Variants in ZNF366 observed in about 807,000 individuals in gnomAD.
The protein encoded by ZNF366 is zinc finger protein 366.
A neutral mutation model predicts 47.2 loss-of-function variants in ZNF366; 20 were observed. That is an observed-to-expected ratio of 0.42 (90% CI 0.30 to 0.62). The LOEUF (loss-of-function observed/expected upper bound fraction) is 0.62. Among genes scored for constraint, ZNF366 ranks in the 20% least tolerant of loss-of-function variants. The pLI, the probability that ZNF366 is intolerant of heterozygous loss-of-function variation, is 0.16. For synonymous variants in ZNF366, 421 were observed against 395.1 expected (o/e 1.07, Z -0.78); for missense variants, 987 against 976.3 (o/e 1.01, Z -0.15).
intron 1 of ZNF366, among the ~76,000 whole-genome samples, chr5:72,484,209 G>A (rs1327646227): frequency 6.6e-6 from 1 of 152,080 alleles, no homozygotes; most frequent in Non-Finnish European, 1.5e-5. Context: ...TAATCGCCGG[G>A]CGCGGTGGCT....
intron 1 of ZNF366, among the ~76,000 whole-genome samples, chr5:72,505,975 C>A (rs1368637495): frequency 1.3e-5 from 2 of 152,172 alleles, no homozygotes; most frequent in Non-Finnish European, 1.5e-5. Flanking sequence ...AGAGGTCTGA[C>A]TAATGGAACA....
Position 72,471,289 on chromosome 5 carries a change from G to A in ZNF366, c.-14-9779C>T, listed in dbSNP as rs116614340. ...CTGATGAATGATCACTCTGCATCTG[G>A]ATACCTTTTCTCCCCACTTTACATT... On this transcript the variant is annotated intron_variant, in intron 1 of 4. Coordinates refer to ENST00000318442, the MANE Select transcript of ZNF366 (RefSeq NM_152625.3). Among the ~76,000 whole-genome samples, 1,045 of 152,274 alleles carry A rather than the reference G, an allele frequency of 6.9e-3. 7 individuals carry two copies. The highest frequency in any genetic ancestry group is 0.048 in the Middle Eastern group (14 of 294).
chr5:72,468,842 A>G (rs1400671934), intron 1 of ZNF366, among the ~76,000 whole-genome samples: 1 of 152,204 alleles, frequency 6.6e-6, no homozygotes, highest in Non-Finnish European at 1.5e-5. Flanking sequence ...AATTGGAGAT[A>G]TGACTTAGCA....
In ZNF366 at chr5:72,470,429, G is replaced by A. The variant is rs574535268; in HGVS notation, c.-14-8919C>T. Among the ~76,000 whole-genome samples, 4 of 152,306 alleles carry A rather than the reference G, an allele frequency of 2.6e-5. No individual in the cohort carries two copies. The East Asian group carries it at 7.7e-4, about 29-fold the overall frequency. On this transcript the variant is annotated intron_variant, in intron 1 of 4. Transcript: ENST00000318442. ...GTGGAGTCTTTATGGAGACTTCTAG[G>A]TGAAACCTTTCTTTCCAAAAGAGCC...
intron 1 of ZNF366, among the ~76,000 whole-genome samples, chr5:72,480,641 T>A (rs1743772850): frequency 6.6e-6 from 1 of 152,190 alleles, no homozygotes; most frequent in East Asian, 1.9e-4. Flanking sequence ...GAAGAACTGG[T>A]GAGGCGAACC....
In ZNF366 at chr5:72,476,150, C is replaced by T. The variant is rs568502340; in HGVS notation, c.-14-14640G>A. On this transcript the variant is annotated intron_variant, in intron 1 of 4. Transcript: ENST00000318442. Reference sequence around the variant, plus strand: ...ATCCTAAGTTTCATAAGACCAGGTACCTGGCCTGTGTTCACTGTTGTATGT... The same window carrying T: ...ATCCTAAGTTTCATAAGACCAGGTATCTGGCCTGTGTTCACTGTTGTATGT... Among the ~76,000 whole-genome samples, 34 of 152,142 alleles carry T rather than the reference C, an allele frequency of 2.2e-4. No homozygotes were observed. The South Asian group carries it at 5.8e-3, about 26-fold the overall frequency.
intron 1 of ZNF366, among the ~76,000 whole-genome samples, chr5:72,489,451 C>T (rs1743963639): frequency 6.6e-6 from 1 of 152,100 alleles, no homozygotes; most frequent in Non-Finnish European, 1.5e-5. Context: ...AGCATAACCT[C>T]ATCCATCCTG....
chr5:72,441,368 G>C lies in ZNF366; in HGVS notation c.*2388C>G, dbSNP rs1742851526. The C allele has an allele frequency of 6.6e-6, 1 of 152,254 alleles. No homozygotes were observed. Among genetic ancestry groups the C allele is most frequent in the Non-Finnish European group, 1.5e-5 (1 of 68,110 alleles). 9.4% of individuals were successfully genotyped at this position (152,254 alleles called of 1,614,324 possible). On this transcript the variant is annotated 3_prime_UTR_variant, in exon 5 of 5. Transcript: ENST00000318442. ...ACCCCAAGAGCTGGAAGCCTCCCAG[G>C]CCACACTGCCAGCATCCTGGGCAAT...
At chr5:72,494,935 T>A (rs2112353965) in intron 1 of ZNF366, among the ~76,000 whole-genome samples, 1 of 152,304 alleles carries the variant, frequency 6.6e-6, no homozygotes, top group Non-Finnish European at 1.5e-5. Context: ...TCACTGTAAC[T>A]TAACTGGCTC....
chr5:72,498,042 G>A (rs991459042), intron 1 of ZNF366, among the ~76,000 whole-genome samples: 4 of 151,796 alleles, frequency 2.6e-5, no homozygotes, highest in African/African-American at 9.7e-5. Context: ...TGGCCCTGCA[G>A]AAGCTTTTTA....
rs964999569 is a variant in ZNF366 at position 72,441,612 on chromosome 5, T to G, written c.*2144A>C. On this transcript the variant is annotated 3_prime_UTR_variant, in exon 5 of 5. Transcript: ENST00000318442. ...CTGACAGGAGAAGCTTTAGGCAAGGTGGCAGGGGAAATGGGTCAGAGATGG... is the reference window on the plus strand; with the variant it reads ...CTGACAGGAGAAGCTTTAGGCAAGGGGGCAGGGGAAATGGGTCAGAGATGG... 2.6e-5 allele frequency: 4 copies of G among 152,364 alleles called. No individual in the cohort carries two copies. The highest frequency in any genetic ancestry group is 9.7e-5 in the African/African-American group (4 of 41,412). The allele number at this position is 152,364 out of a possible 1,614,324, so 9.4% of individuals were successfully genotyped here.
chr5:72,450,291 T>A (rs539705923), intron 3 of ZNF366, among the ~76,000 whole-genome samples: 4 of 152,216 alleles, frequency 2.6e-5, no homozygotes, highest in Non-Finnish European at 5.9e-5. Flanking sequence ...TGGGGTACTG[T>A]AGACCTTGCA....
rs1742840323 is a variant in ZNF366 at position 72,440,725 on chromosome 5, T to C, written c.*3031A>G. ...AGAATTAAGGTGACACTTGAATAAT[T>C]ATCCTGGGACAACAGGTCTAAACCA... On this transcript the variant is annotated 3_prime_UTR_variant, in exon 5 of 5. Transcript: ENST00000318442. 6.6e-6 allele frequency: 1 copy of C among 152,220 alleles called. No homozygotes were observed. Among genetic ancestry groups the C allele is most frequent in the Admixed American group, 6.5e-5 (1 of 15,282 alleles). 9.4% of individuals were successfully genotyped at this position (152,220 alleles called of 1,614,324 possible).
chr5:72,451,384 G>A (rs1184034025), intron 3 of ZNF366, among the ~76,000 whole-genome samples: 1 of 152,240 alleles, frequency 6.6e-6, no homozygotes. Context: ...AACGTGGGTT[G>A]CATGGGTTAT....
intron 1 of ZNF366, among the ~76,000 whole-genome samples, chr5:72,505,540 T>C (rs550494135): frequency 5.3e-5 from 8 of 152,354 alleles, no homozygotes; most frequent in Admixed American, 2.0e-4. Flanking sequence ...GCCTTCCTTG[T>C]CTTTAACAAA....
At chr5:72,499,420 G>T (rs1744167914) in intron 1 of ZNF366, among the ~76,000 whole-genome samples, 1 of 149,600 alleles carries the variant, frequency 6.7e-6, no homozygotes, top group Non-Finnish European at 1.5e-5. Context: ...CAACCTTTCA[G>T]AACTTTTCAC....
intron 2 of ZNF366, among the ~76,000 whole-genome samples, chr5:72,459,088 G>A (rs976876993): frequency 1.3e-5 from 2 of 152,156 alleles, no homozygotes; most frequent in African/African-American, 2.4e-5. Context: ...TGTAGGGCAG[G>A]AGCTGTTTGT....
intron 4 of ZNF366, among the ~76,000 whole-genome samples, chr5:72,446,720 C>G (rs1742968108): frequency 1.3e-5 from 2 of 152,200 alleles, no homozygotes; most frequent in South Asian, 4.1e-4. Context: ...TACCAACATA[C>G]TTCTGCTAAC....
intron 1 of ZNF366, among the ~76,000 whole-genome samples, chr5:72,479,810 C>G (rs979753974): frequency 6.6e-6 from 1 of 152,202 alleles, no homozygotes; most frequent in African/African-American, 2.4e-5. Context: ...TATATAAACA[C>G]ACACCTGCCT....
Sources: allele counts gnomAD v4.1 joint callset (sites outside exome capture counted in the v4.1 genomes callset), GRCh38; gene constraint gnomAD v4.1.1; transcripts MANE v1.5; gene names NCBI Gene and HGNC (gene_info 2026-07-23, HGNC 2026-07-21).